Variants in VCL observed in about 807,000 individuals in gnomAD.
VCL encodes the protein vinculin.
A neutral mutation model predicts 125.7 loss-of-function variants in VCL; 47 were observed. The ratio of observed to expected loss-of-function variants is 0.37; its 90% CI spans 0.30 to 0.48. VCL has a LOEUF of 0.48. Among genes scored for constraint, VCL ranks in the 20% least tolerant of loss-of-function variants. The pLI, the probability that VCL is intolerant of heterozygous loss-of-function variation, is 0.99. For synonymous variants in VCL, 458 were observed against 514.6 expected (o/e 0.89, Z 1.49); for missense variants, 1,069 against 1,455.5 (o/e 0.73, Z 4.32).
chr10:74,109,289 C>T (rs903151855), intron 18 of VCL, 133 bp downstream of exon 18: 83 of 1,126,898 alleles, frequency 7.4e-5, no homozygotes, highest in Non-Finnish European at 1.0e-4. Flanking sequence ...TTGCCAATAG[C>T]ATATTCCTCT....
Position 74,038,326 on chromosome 10 carries a change from C to G in VCL, c.169-4757C>G, listed in dbSNP as rs150285843. Among the ~76,000 whole-genome samples the G allele has an allele frequency of 8.5e-5, 13 of 152,308 alleles. No individual in the cohort carries two copies. The East Asian group carries it at 2.5e-3, about 29-fold the overall frequency. On this transcript the variant is annotated intron_variant, in intron 1 of 21. Coordinates refer to ENST00000211998, the MANE Select transcript of VCL (RefSeq NM_014000.3). ...CTGGGAACATTCCAAGTGGTCAATA[C>G]TCACAGGTGGCTAATGGGTACTGTA...
chr10:74,014,124 G>A (rs190378816), intron 1 of VCL, among the ~76,000 whole-genome samples: 138 of 152,316 alleles, frequency 9.1e-4, no homozygotes, highest in Middle Eastern at 3.4e-3. Flanking sequence ...AGAAGCAATA[G>A]TGAGGGAAAA....
At chr10:74,016,069 G>T (rs1356089696) in intron 1 of VCL, among the ~76,000 whole-genome samples, 1 of 151,994 alleles carries the variant, frequency 6.6e-6, no homozygotes, top group Non-Finnish European at 1.5e-5. Context: ...GAGCTCAAGG[G>T]ATCCTCCTGC....
intron 2 of VCL, among the ~76,000 whole-genome samples, chr10:74,059,759 C>T (rs138063238): frequency 1.8e-4 from 27 of 152,288 alleles, no homozygotes; most frequent in Admixed American, 3.9e-4. Context: ...ACCAAGGTTC[C>T]TCTTAGGTAA....
chr10:74,105,475 T>TA, intron 16 of VCL, 122 bp downstream of exon 16: 1 of 1,203,476 alleles, frequency 8.3e-7, no homozygotes, highest in Non-Finnish European at 1.2e-6. Context: ...TATAGACACT[T>TA]AGTTTGAGAA....
chr10:74,089,093 A>G, intron 8 of VCL, 103 bp from the exon 9 acceptor site: 2 of 1,536,614 alleles, frequency 1.3e-6, no homozygotes, highest in Non-Finnish European at 8.9e-7. Context: ...AAAAGGAAAA[A>G]GCCAAGCATG....
At chr10:74,085,102 G>A (rs927358249) in intron 8 of VCL, among the ~76,000 whole-genome samples, 3 of 152,024 alleles carry the variant, frequency 2.0e-5, no homozygotes, top group African/African-American at 7.2e-5. Context: ...TAGAGATAAG[G>A]TCTTGCTATG....
intron 18 of VCL, among the ~76,000 whole-genome samples, chr10:74,110,884 TC>T (rs1372416780): frequency 2.0e-5 from 3 of 152,208 alleles, no homozygotes; most frequent in African/African-American, 7.2e-5. Context: ...GCTTTTATAA[TC>T]TCCATCCCTG....
In VCL at chr10:74,109,066, C is replaced by T. The variant is rs149196315; in HGVS notation, c.2655C>T (p.Phe885=). The T allele has an allele frequency of 2.7e-5, 44 of 1,613,998 alleles. No individual in the cohort carries two copies. In the African/African-American group the frequency reaches 3.6e-4, roughly 13 times the overall value. ...CACCAGAGGAAAAGGATGAAGAGTTCCCTGAGCAGAAGGCCGGGGAGGTGA... is the reference window on the plus strand; with the variant it reads ...CACCAGAGGAAAAGGATGAAGAGTTTCCTGAGCAGAAGGCCGGGGAGGTGA... The part of the protein sequence containing the change: ...PPPPEEKDEE[F]PEQKAGEVIN... The change falls in exon 18 of 22, where the codon TTC becomes TTT. Residue 885 remains phenylalanine, a synonymous_variant. Transcript: ENST00000211998.
rs1314406001 is a variant in VCL at position 74,107,372 on chromosome 10, T to C, written c.2559+18T>C. The C allele has an allele frequency of 6.2e-6, 10 of 1,614,164 alleles. No homozygotes were observed. The highest frequency in any genetic ancestry group is 7.6e-6 in the Non-Finnish European group (9 of 1,180,040). On this transcript the variant is annotated intron_variant, in intron 17 of 21. Coordinates refer to ENST00000211998, the MANE Select transcript of VCL (RefSeq NM_014000.3). ...AACTCCGAGTAAGTAAATTCAGATA[T>C]GCAGAGAATTGAGCAGGAAGGTGTT... is the stretch of plus-strand genomic sequence containing the variant.
At chr10:74,037,539 T>C (rs1841004927) in intron 1 of VCL, among the ~76,000 whole-genome samples, 1 of 152,204 alleles carries the variant, frequency 6.6e-6, no homozygotes, top group Non-Finnish European at 1.5e-5. Context: ...CAAGGTAACA[T>C]AATCCTCTCT....
At chr10:74,076,164 A>G (rs1003472973) in intron 6 of VCL, 3 of 152,514 alleles carry the variant, frequency 2.0e-5, no homozygotes, top group Non-Finnish European at 4.4e-5. Flanking sequence ...AGAGAAAAGC[A>G]TGTCTGTGAG....
At chr10:74,114,431 G>C in intron 20 of VCL, 44 bp downstream of exon 20, 3 of 1,570,698 alleles carry the variant, frequency 1.9e-6, no homozygotes, top group Non-Finnish European at 2.6e-6. Flanking sequence ...GTGTGTGTGT[G>C]TGTGTGCGTG....
At chr10:74,061,418 C>A (rs1841476793) in intron 2 of VCL, among the ~76,000 whole-genome samples, 1 of 152,168 alleles carries the variant, frequency 6.6e-6, no homozygotes, top group South Asian at 2.1e-4. Flanking sequence ...TAAACCTTTT[C>A]AATTTCATCT....
At chr10:74,116,497 T>C (rs563150071) in intron 21 of VCL, among the ~76,000 whole-genome samples, 13 of 152,234 alleles carry the variant, frequency 8.5e-5, no homozygotes, top group Admixed American at 5.2e-4. Flanking sequence ...TGAGAATATC[T>C]ATTATGTTCC....
At chr10:74,010,529 C>T (rs1369509981) in intron 1 of VCL, among the ~76,000 whole-genome samples, 1 of 151,826 alleles carries the variant, frequency 6.6e-6, no homozygotes, top group Non-Finnish European at 1.5e-5. Context: ...TCATTTCTGT[C>T]TACTTGAACT....
intron 2 of VCL, among the ~76,000 whole-genome samples, chr10:74,066,062 T>TATATATATA (rs1491467672): frequency 0.029 from 3,633 of 124,502 alleles, 169 homozygotes; most frequent in African/African-American, 0.1. Context: ...TATATATATA[T>TATATATATA]TTTTTTTTTT....
intron 1 of VCL, among the ~76,000 whole-genome samples, chr10:74,005,729 C>T (rs1051794424): frequency 1.3e-5 from 2 of 152,100 alleles, no homozygotes; most frequent in Non-Finnish European, 1.5e-5. Flanking sequence ...CATAAAGTGG[C>T]ATGGTATTTG....
chr10:74,062,209 G>A (rs1564520977), intron 2 of VCL, among the ~76,000 whole-genome samples: 1 of 151,812 alleles, frequency 6.6e-6, no homozygotes, highest in Non-Finnish European at 1.5e-5. Flanking sequence ...GGGACTATAG[G>A]AGTGCACCAC....
Sources: gnomAD v4.1 joint callset for allele counts (sites outside exome capture counted in the v4.1 genomes callset) on GRCh38, gnomAD v4.1.1 for gene constraint, MANE v1.5 for transcripts, NCBI Gene and HGNC (gene_info 2026-07-23, HGNC 2026-07-21) for gene names.